Variants in CACNA2D3 observed in about 807,000 individuals in gnomAD.
The protein encoded by CACNA2D3 is voltage-dependent calcium channel subunit alpha-2/delta-3.
In CACNA2D3, 60 loss-of-function variants were observed where a neutral mutation model predicts 160.6. The observed-to-expected ratio is 0.37, with a 90% confidence interval of 0.30 to 0.46. The LOEUF is 0.46. Among genes scored for constraint, CACNA2D3 ranks in the 20% least tolerant of loss-of-function variants. CACNA2D3 has a pLI of 1.00. For synonymous variants in CACNA2D3, 558 were observed against 492.9 expected, an observed-to-expected ratio of 1.13 and a Z score of -1.75; for missense variants, 1,205 against 1,365.0, an observed-to-expected ratio of 0.88 and a Z score of 1.85.
chr3:54,781,109 C>T (rs1481773585), intron 13 of CACNA2D3, among the ~76,000 whole-genome samples: 2 of 152,110 alleles, frequency 1.3e-5, no homozygotes, highest in Non-Finnish European at 2.9e-5. Flanking sequence ...ATTAATGTTA[C>T]TGAGAACAGA....
At chr3:54,977,432 A>G (rs748126704) in intron 29 of CACNA2D3, among the ~76,000 whole-genome samples, 14 of 152,160 alleles carry the variant, frequency 9.2e-5, no homozygotes, top group East Asian at 1.9e-4. Context: ...TTTATAATCT[A>G]TTTGCCTTGT....
chr3:54,716,781 G>A (rs1701058991), intron 11 of CACNA2D3, among the ~76,000 whole-genome samples: 1 of 152,094 alleles, frequency 6.6e-6, no homozygotes, highest in Admixed American at 6.5e-5. Context: ...TTCCCTTTGG[G>A]CATAGTGAAT....
intron 35 of CACNA2D3, among the ~76,000 whole-genome samples, chr3:55,039,760 G>A (rs1239911318): frequency 2.6e-5 from 4 of 152,156 alleles, no homozygotes; most frequent in African/African-American, 4.8e-5. Context: ...CCACAATCTG[G>A]GCCTAAGTAT....
At chr3:54,741,891 A>G (rs964218695) in intron 11 of CACNA2D3, among the ~76,000 whole-genome samples, 1 of 148,482 alleles carries the variant, frequency 6.7e-6, no homozygotes, top group Non-Finnish European at 1.5e-5. Context: ...TAATTTATTT[A>G]TTTTTTTTTT....
At chr3:54,276,239 A>C (rs1019186693) in intron 2 of CACNA2D3, among the ~76,000 whole-genome samples, 2 of 151,992 alleles carry the variant, frequency 1.3e-5, no homozygotes, top group African/African-American at 4.8e-5. Context: ...AAAGATGAAG[A>C]TGGGATGAGA....
At chr3:54,845,104 A>G (rs915045717) in intron 16 of CACNA2D3, among the ~76,000 whole-genome samples, 2 of 152,246 alleles carry the variant, frequency 1.3e-5, no homozygotes, top group African/African-American at 4.8e-5. Flanking sequence ...ATAATGAAAT[A>G]TACTTTTATC....
intron 11 of CACNA2D3, among the ~76,000 whole-genome samples, chr3:54,673,170 CCTCT>C (rs1366816993): frequency 3.3e-5 from 5 of 152,180 alleles, no homozygotes; most frequent in Admixed American, 6.5e-5. Context: ...GGTAAATTCA[CCTCT>C]CTTAGAGTCT....
intron 4 of CACNA2D3, among the ~76,000 whole-genome samples, chr3:54,417,333 A>G (rs1402958322): frequency 1.3e-5 from 2 of 152,176 alleles, no homozygotes; most frequent in African/African-American, 4.8e-5. Flanking sequence ...AGGTAAAATA[A>G]TAATTTTCTT....
At chr3:54,461,612 C>T (rs1037695589) in intron 4 of CACNA2D3, among the ~76,000 whole-genome samples, 22 of 151,864 alleles carry the variant, frequency 1.4e-4, no homozygotes, top group African/African-American at 4.3e-4. Flanking sequence ...TCTGTGGAAT[C>T]GGTGGTGATA....
At chr3:54,861,615 C>T (rs1194052296) in intron 17 of CACNA2D3, among the ~76,000 whole-genome samples, 1 of 152,168 alleles carries the variant, frequency 6.6e-6, no homozygotes, top group Non-Finnish European at 1.5e-5. Flanking sequence ...GGTTAGAGTA[C>T]AGGCAGGGAG....
intron 6 of CACNA2D3, among the ~76,000 whole-genome samples, chr3:54,568,599 A>G (rs1296576495): frequency 6.6e-6 from 1 of 152,206 alleles, no homozygotes; most frequent in African/African-American, 2.4e-5. Context: ...TGTGTCAGAT[A>G]TTTTTAAATT....
chr3:55,001,537 C>A (rs548970766), intron 31 of CACNA2D3, among the ~76,000 whole-genome samples: 22 of 152,294 alleles, frequency 1.4e-4, no homozygotes, highest in Admixed American at 5.2e-4. Flanking sequence ...AGATAGGAAA[C>A]TGAGGCACCA....
intron 35 of CACNA2D3, among the ~76,000 whole-genome samples, chr3:55,059,713 C>A (rs1704456348): frequency 6.6e-6 from 1 of 152,116 alleles, no homozygotes; most frequent in South Asian, 2.1e-4. Context: ...AGAATCAGGT[C>A]ACATATGGAC....
chr3:55,016,996 G>A (rs1287725783), intron 34 of CACNA2D3, among the ~76,000 whole-genome samples: 1 of 152,144 alleles, frequency 6.6e-6, no homozygotes, highest in Non-Finnish European at 1.5e-5. Flanking sequence ...CATGGACAGT[G>A]GACAAAATAT....
chr3:54,608,329 ATTAT>A (rs1396551433), intron 9 of CACNA2D3, among the ~76,000 whole-genome samples: 1 of 152,212 alleles, frequency 6.6e-6, no homozygotes, highest in African/African-American at 2.4e-5. Flanking sequence ...TCAGTCTATA[ATTAT>A]TTTTTAAAAG....
chr3:54,417,498 T>C (rs972176600), intron 4 of CACNA2D3, among the ~76,000 whole-genome samples: 1 of 152,070 alleles, frequency 6.6e-6, no homozygotes, highest in Non-Finnish European at 1.5e-5. Flanking sequence ...GATTCTGATC[T>C]TTTACATGGA....
chr3:54,887,982 G>T lies in CACNA2D3; in HGVS notation c.2080G>T (p.Val694Phe), dbSNP rs1166972417. Residue 694 changes from valine (V) to phenylalanine (F), a missense_variant, in exon 24 of 38, where the codon GTC becomes TTC. Physicochemically the swap from Val to Phe is conservative, Grantham distance 50. Transcript: ENST00000474759. Reference sequence around the variant, plus strand: ...AGGTGATAAAGAATTGATCCAAGAAGTCCTTTTTGACGCGGTGGTGAGTGC... The same window carrying T: ...AGGTGATAAAGAATTGATCCAAGAATTCCTTTTTGACGCGGTGGTGAGTGC... ...LQCDKELIQE[V>F]LFDAVVSAPI... is the part of the protein sequence containing the mutation. 2 of 1,613,960 alleles carry T rather than the reference G, an allele frequency of 1.2e-6. No individual in the cohort carries two copies. The highest frequency in any genetic ancestry group is 1.7e-5 in the Admixed American group (1 of 60,024).
At chr3:54,916,481 T>G (rs150429600) in intron 27 of CACNA2D3, among the ~76,000 whole-genome samples, 2,381 of 152,264 alleles carry the variant, frequency 0.016, 58 homozygotes, top group African/African-American at 0.051. Flanking sequence ...ATCTACAATT[T>G]AAGGTATTTC....
intron 27 of CACNA2D3, among the ~76,000 whole-genome samples, chr3:54,956,268 C>T (rs1051364079): frequency 4.6e-5 from 7 of 152,230 alleles, no homozygotes; most frequent in South Asian, 4.1e-4. Context: ...GACCCGTAAG[C>T]GCATGGTCTT....
Sources: allele counts gnomAD v4.1 joint callset (sites outside exome capture counted in the v4.1 genomes callset), GRCh38; gene constraint gnomAD v4.1.1; transcripts MANE v1.5; gene names NCBI Gene and HGNC (gene_info 2026-07-23, HGNC 2026-07-21).